Variants in UNC5C observed in about 807,000 individuals in gnomAD.
UNC5C encodes unc-5 netrin receptor C.
In UNC5C, 47 loss-of-function variants were observed where a neutral mutation model predicts 99.8. That is an observed-to-expected ratio of 0.47 (90% CI 0.37 to 0.60). The LOEUF (loss-of-function observed/expected upper bound fraction) is 0.60. UNC5C is among the 20% of genes least tolerant of loss of function. UNC5C has a pLI of 0.00. For missense variants in UNC5C, 1,062 were observed against 1,165.9 expected, an observed-to-expected ratio of 0.91 and a Z score of 1.30; for synonymous variants, 487 against 452.2, an observed-to-expected ratio of 1.08 and a Z score of -0.98.
chr4:95,251,683 A>G (rs1739740663), intron 4 of UNC5C, among the ~76,000 whole-genome samples: 1 of 152,164 alleles, frequency 6.6e-6, no homozygotes, highest in Admixed American at 6.5e-5. Flanking sequence ...GATACAGGTA[A>G]CCTTTAGTGG....
chr4:95,487,369 C>T (rs554744261), intron 1 of UNC5C, among the ~76,000 whole-genome samples: 2 of 151,722 alleles, frequency 1.3e-5, no homozygotes, highest in East Asian at 3.9e-4. Context: ...CTCTAAGGCT[C>T]TATAAATATT....
intron 1 of UNC5C, among the ~76,000 whole-genome samples, chr4:95,511,528 G>A (rs1320634863): frequency 6.6e-6 from 1 of 152,096 alleles, no homozygotes; most frequent in Non-Finnish European, 1.5e-5. Flanking sequence ...TACAGAAATT[G>A]ATAGAGAAAT....
chr4:95,464,453 A>T (rs991071719), intron 1 of UNC5C, among the ~76,000 whole-genome samples: 1 of 152,214 alleles, frequency 6.6e-6, no homozygotes, highest in African/African-American at 2.4e-5. Flanking sequence ...TTGTTATTGG[A>T]TGGTATCCTG....
intron 1 of UNC5C, among the ~76,000 whole-genome samples, chr4:95,373,741 A>T (rs1744811959): frequency 6.6e-6 from 1 of 152,136 alleles, no homozygotes; most frequent in Admixed American, 6.6e-5. Context: ...TGAATATGGG[A>T]TGGAAAGACA....
chr4:95,527,380 A>G (rs988637498), intron 1 of UNC5C, among the ~76,000 whole-genome samples: 1 of 152,116 alleles, frequency 6.6e-6, no homozygotes. Flanking sequence ...AATCACAAAA[A>G]TATACAACTG....
At chr4:95,347,737 C>T (rs1447635114) in intron 1 of UNC5C, among the ~76,000 whole-genome samples, 2 of 152,024 alleles carry the variant, frequency 1.3e-5, no homozygotes, top group Non-Finnish European at 2.9e-5. Flanking sequence ...CCCTATCTCT[C>T]ACCATATACA....
chr4:95,210,752 T>C (rs1056549013), intron 10 of UNC5C, among the ~76,000 whole-genome samples: 3 of 152,216 alleles, frequency 2.0e-5, no homozygotes, highest in African/African-American at 7.2e-5. Context: ...CTGAGTCCTC[T>C]AGGACAAAGC....
At chr4:95,451,714 T>A (rs537254089) in intron 1 of UNC5C, among the ~76,000 whole-genome samples, 44 of 152,292 alleles carry the variant, frequency 2.9e-4, no homozygotes, top group African/African-American at 9.6e-4. Flanking sequence ...CACGTCTTAG[T>A]CAAAACAGAA....
At chr4:95,478,448 C>T (rs938127234) in intron 1 of UNC5C, among the ~76,000 whole-genome samples, 4 of 152,000 alleles carry the variant, frequency 2.6e-5, no homozygotes, top group Admixed American at 6.6e-5. Flanking sequence ...GTTCTTCCAC[C>T]GATTTCGATG....
intron 1 of UNC5C, among the ~76,000 whole-genome samples, chr4:95,529,889 C>A (rs967150236): frequency 3.3e-5 from 5 of 152,112 alleles, no homozygotes; most frequent in African/African-American, 1.2e-4. Context: ...TCAAAATATG[C>A]AGACAAATGA....
At chr4:95,203,674 G>A (rs1420044837) in intron 11 of UNC5C, among the ~76,000 whole-genome samples, 1 of 152,062 alleles carries the variant, frequency 6.6e-6, no homozygotes, top group Non-Finnish European at 1.5e-5. Context: ...TATGTTGCCA[G>A]GCTGGCCTCA....
At chr4:95,292,132 C>T (rs1227494097) in intron 3 of UNC5C, among the ~76,000 whole-genome samples, 3 of 150,404 alleles carry the variant, frequency 2.0e-5, no homozygotes, top group Non-Finnish European at 4.4e-5. Context: ...CACATAAGGC[C>T]ACAAATCAGG....
intron 10 of UNC5C, among the ~76,000 whole-genome samples, chr4:95,214,684 T>C (rs1261884350): frequency 6.6e-6 from 1 of 152,166 alleles, no homozygotes; most frequent in African/African-American, 2.4e-5. Flanking sequence ...TCTTACTGTT[T>C]CTCACCATAA....
Position 95,172,110 on chromosome 4 carries a change from T to C in UNC5C, c.2452-1778A>G, listed in dbSNP as rs573738917. ...TGTTTGTTTTTTTCTTGTAAATTTG[T>C]TTGAGTTCATTGTAGATTCTGGATA... On this transcript the variant is annotated intron_variant, in intron 14 of 15. Coordinates refer to ENST00000453304, the MANE Select transcript of UNC5C (RefSeq NM_003728.4). Among the ~76,000 whole-genome samples the C allele has an allele frequency of 2.7e-5, 4 of 148,692 alleles. No homozygotes were observed. The South Asian group carries it at 8.7e-4, about 32-fold the overall frequency.
intron 1 of UNC5C, among the ~76,000 whole-genome samples, chr4:95,504,693 A>T (rs1245968655): frequency 1.3e-5 from 2 of 152,106 alleles, no homozygotes; most frequent in African/African-American, 4.8e-5. Context: ...ATGCTGACAC[A>T]TTATAACAAG....
intron 3 of UNC5C, among the ~76,000 whole-genome samples, chr4:95,295,539 A>G (rs1422798539): frequency 4.6e-5 from 7 of 152,232 alleles, no homozygotes; most frequent in Admixed American, 1.3e-4. Flanking sequence ...ACATAAATTA[A>G]TAGTCAATAT....
At position 95,250,532 on chromosome 4, in the gene UNC5C, T is replaced by C. The variant is rs1299166594; in HGVS notation, c.730A>G (p.Ile244Val). 4 of 1,613,990 alleles carry C rather than the reference T, an allele frequency of 2.5e-6. No individual in the cohort carries two copies. The highest frequency in any genetic ancestry group is 3.4e-6 in the Non-Finnish European group (4 of 1,179,946). The change falls in exon 5 of 16, where the codon ATT (isoleucine) becomes GTT (valine). Residue 244 changes from isoleucine (I) to valine (V), a missense_variant. Physicochemically the swap from Ile to Val is conservative, Grantham distance 29. Transcript: ENST00000453304. The stretch of plus-strand genomic sequence containing the variant: ...GTTGTACTTTTCCTCTTGGCAACAA[T>C]GTTTTTGGCAACACAGGTGTAATTT... ...TANYTCVAKNIVAKRKSTTAT... is the reference protein window; with the variant it reads ...TANYTCVAKNVVAKRKSTTAT...
At chr4:95,311,292 T>C (rs1742267768) in intron 2 of UNC5C, among the ~76,000 whole-genome samples, 1 of 152,036 alleles carries the variant, frequency 6.6e-6, no homozygotes, top group Admixed American at 6.6e-5. Context: ...TTCTTTGGAA[T>C]ATAAAAAAAA....
intron 1 of UNC5C, among the ~76,000 whole-genome samples, chr4:95,380,816 T>C (rs1252837461): frequency 3.9e-5 from 6 of 152,228 alleles, no homozygotes; most frequent in South Asian, 2.1e-4. Flanking sequence ...ACCTTCAGTT[T>C]TGCATGCAGC....
Sources: gnomAD v4.1 joint callset for allele counts (sites outside exome capture counted in the v4.1 genomes callset) on GRCh38, gnomAD v4.1.1 for gene constraint, MANE v1.5 for transcripts, NCBI Gene and HGNC (gene_info 2026-07-23, HGNC 2026-07-21) for gene names.